Variants in ARID4B observed in about 807,000 individuals in gnomAD.
ARID4B encodes the protein AT-rich interaction domain 4B.
ARID4B carries 26 observed loss-of-function variants against 147.5 expected under a neutral mutation model. The ratio of observed to expected loss-of-function variants is 0.18; its 90% CI spans 0.13 to 0.24. The LOEUF (loss-of-function observed/expected upper bound fraction) is 0.24. ARID4B is among the 10% of genes least tolerant of loss of function. ARID4B has a pLI of 1.00. For missense variants in ARID4B, 1,179 were observed against 1,511.5 expected, an observed-to-expected ratio of 0.78 and a Z score of 3.65; for synonymous variants, 512 against 507.9, an observed-to-expected ratio of 1.01 and a Z score of -0.11.
At chr1:235,295,579 A>T (rs1672639214) in intron 2 of ARID4B, among the ~76,000 whole-genome samples, 1 of 151,946 alleles carries the variant, frequency 6.6e-6, no homozygotes, top group South Asian at 2.1e-4. Context: ...TGGGAGGCCA[A>T]GGCAGGCGGA....
chr1:235,183,711 TCTTTC>T (rs897546858), intron 19 of ARID4B, among the ~76,000 whole-genome samples: 2 of 151,990 alleles, frequency 1.3e-5, no homozygotes, highest in East Asian at 1.9e-4. Context: ...CTCTCATTTT[TCTTTC>T]CTTTGTTTTG....
intron 8 of ARID4B, 113 bp from the exon 9 acceptor site, chr1:235,234,605 A>C (rs1390803215): frequency 5.5e-6 from 4 of 724,702 alleles, no homozygotes; most frequent in Non-Finnish European, 6.7e-6. Context: ...AACTAATTTT[A>C]GTTTGAGGGT....
intron 23 of ARID4B, among the ~76,000 whole-genome samples, chr1:235,170,513 C>T (rs918253360): frequency 1.4e-4 from 22 of 152,046 alleles, no homozygotes; most frequent in African/African-American, 4.8e-4. Flanking sequence ...ACTAGGTGGG[C>T]GGATCACAAG....
At position 235,219,953 on chromosome 1, in the gene ARID4B, A is replaced by C; in HGVS notation, c.1423T>G (p.Leu475Val). The change falls in exon 16 of 24, where the codon TTA (leucine) becomes GTA (valine). Residue 475 changes from leucine (L) to valine (V), a missense_variant. Around this residue, in one of 10 missense-constraint regions of ARID4B, gnomAD observed 204 missense variants for 210.9 expected, o/e 0.97. Coordinates refer to ENST00000264183, the MANE Select transcript of ARID4B (RefSeq NM_016374.6). ...IKPSLGSKKN[L>V]LESIPTHSDQ... is the part of the protein sequence containing the mutation. ...GAATGTGTAGGTATAGATTCTAATA[A>C]ATTCTTTTTACTTCCCTAGAAAAAG... 1 of 1,544,742 alleles carries C rather than the reference A, an allele frequency of 6.5e-7. No individual in the cohort carries two copies. Among genetic ancestry groups the C allele is most frequent in the Non-Finnish European group, 8.7e-7 (1 of 1,149,710 alleles).
chr1:235,270,210 G>A (rs1199875674), intron 2 of ARID4B, among the ~76,000 whole-genome samples: 1 of 152,080 alleles, frequency 6.6e-6, no homozygotes, highest in Non-Finnish European at 1.5e-5. Context: ...GTGAACCCAG[G>A]AGGTGGTGCT....
At chr1:235,267,531 G>C in intron 2 of ARID4B, among the ~76,000 whole-genome samples, 1 of 152,028 alleles carries the variant, frequency 6.6e-6, no homozygotes, top group East Asian at 1.9e-4. Context: ...TGAATACATC[G>C]AGGAAATGAA....
intron 2 of ARID4B, among the ~76,000 whole-genome samples, chr1:235,303,035 T>C (rs1346725514): frequency 6.6e-6 from 1 of 152,126 alleles, no homozygotes; most frequent in Non-Finnish European, 1.5e-5. Context: ...GCCATTCTCC[T>C]GCCTCAGCCT....
chr1:235,248,155 G>T (rs746060518), intron 6 of ARID4B, among the ~76,000 whole-genome samples: 26 of 152,140 alleles, frequency 1.7e-4, no homozygotes, highest in Middle Eastern at 3.4e-3. Context: ...GGGCTCAAGT[G>T]ATCCTCCAAC....
At chr1:235,315,529 T>C (rs1333914035) in intron 2 of ARID4B, among the ~76,000 whole-genome samples, 3 of 152,252 alleles carry the variant, frequency 2.0e-5, no homozygotes, top group African/African-American at 7.2e-5. Context: ...ATTCTCTTAA[T>C]TGATGACAGG....
At chr1:235,249,151 G>T (rs970682719) in intron 6 of ARID4B, among the ~76,000 whole-genome samples, 13 of 151,760 alleles carry the variant, frequency 8.6e-5, no homozygotes, top group African/African-American at 3.1e-4. Flanking sequence ...TGGCCAACAT[G>T]GCGAAACCCC....
intron 2 of ARID4B, among the ~76,000 whole-genome samples, chr1:235,311,536 G>A (rs1001715011): frequency 4.6e-5 from 7 of 152,070 alleles, no homozygotes; most frequent in Non-Finnish European, 7.4e-5. Flanking sequence ...TACTTTGGGA[G>A]GTCGAGGCAG....
chr1:235,209,561 T>G (rs923901478), intron 17 of ARID4B, among the ~76,000 whole-genome samples: 3 of 139,660 alleles, frequency 2.1e-5, no homozygotes, highest in Admixed American at 2.1e-4. Flanking sequence ...TTTTTGTTTT[T>G]TGTTTTGTTT....
At chr1:235,175,708 T>C in intron 21 of ARID4B, 1 of 248,178 alleles carries the variant, frequency 4.0e-6, no homozygotes, top group South Asian at 5.7e-5. Flanking sequence ...TGTTAATACA[T>C]AAAATATATC....
chr1:235,272,951 G>A (rs922313135), intron 2 of ARID4B, among the ~76,000 whole-genome samples: 2 of 152,132 alleles, frequency 1.3e-5, no homozygotes, highest in Non-Finnish European at 2.9e-5. Flanking sequence ...CAGGACTACA[G>A]AGAAGAATGA....
chr1:235,222,124 C>T (rs1043684056), intron 13 of ARID4B, among the ~76,000 whole-genome samples: 8 of 151,788 alleles, frequency 5.3e-5, no homozygotes, highest in Non-Finnish European at 8.8e-5. Context: ...GTTGCCCAGG[C>T]GGGTCTCAAA....
At chr1:235,326,317 C>A (rs968767217) in intron 2 of ARID4B, among the ~76,000 whole-genome samples, 2 of 152,138 alleles carry the variant, frequency 1.3e-5, no homozygotes, top group Non-Finnish European at 2.9e-5. Flanking sequence ...GTTTTCCACA[C>A]ATCATAATGC....
chr1:235,261,429 T>TG (rs778217952), intron 2 of ARID4B, among the ~76,000 whole-genome samples: 36 of 151,980 alleles, frequency 2.4e-4, no homozygotes, highest in Non-Finnish European at 4.3e-4. Flanking sequence ...GAGACTGAAG[T>TG]GGGAGGAGTG....
chr1:235,202,507 C>G (rs142230691), intron 17 of ARID4B, among the ~76,000 whole-genome samples: 2 of 149,142 alleles, frequency 1.3e-5, no homozygotes, highest in East Asian at 3.9e-4. Context: ...TTCTGAAGAT[C>G]TAGTATGTTC....
rs1435573193 is a variant in ARID4B at position 235,270,278 on chromosome 1, G to A, written c.7-9526C>T. The stretch of plus-strand genomic sequence containing the variant: ...AGCCCGGGCGACAGAGAGAGACTCC[G>A]TCTCAAAAAAACAAAAAACAAAACA... On this transcript the variant is annotated intron_variant, in intron 2 of 23. Transcript: ENST00000264183. 6.6e-5 allele frequency among the ~76,000 whole-genome samples: 10 copies of A among 151,950 alleles called. No homozygotes were observed. The East Asian group carries it at 7.7e-4, about 12-fold the overall frequency.
Sources: gnomAD v4.1 joint callset for allele counts (sites outside exome capture counted in the v4.1 genomes callset) on GRCh38, gnomAD v4.1.1 for gene constraint, gnomAD v4.1.1 regional missense constraint, MANE v1.5 for transcripts, NCBI Gene and HGNC (gene_info 2026-07-23, HGNC 2026-07-21) for gene names.